The following CCDC160 variants were observed in gnomAD, a reference collection of about 807,000 sequenced individuals.
CCDC160 encodes the protein coiled-coil domain containing 160.
For missense variants in CCDC160, 227 were observed against 215.6 expected (o/e 1.05, Z -0.33); for synonymous variants, 94 against 79.4 (o/e 1.18, Z -0.98).
intron 1 of CCDC160, among the ~76,000 whole-genome samples, 196 bp downstream of exon 2, chrX:134,239,036 T>C (rs1449209464): frequency 8.9e-6 from 1 of 111,976 alleles, no homozygotes; most frequent in Non-Finnish European, 1.9e-5. Context: ...AAAATAAAAG[T>C]GCTTTCTCTA....
chrX:134,241,234 G>A (rs748765925), intron 1 of CCDC160, among the ~76,000 whole-genome samples: 1 of 111,460 alleles, frequency 9.0e-6, no homozygotes, highest in Admixed American at 9.5e-5. Flanking sequence ...GATTTTTATG[G>A]AACAGTGCAC....
chrX:134,240,033 T>G (rs371158735), intron 1 of CCDC160, among the ~76,000 whole-genome samples: 13 of 112,053 alleles, frequency 1.2e-4, no homozygotes, highest in African/African-American at 4.2e-4. Context: ...CTTCTTTTGG[T>G]ATTTAATGGT....
chrX:134,243,583 C>T (rs2077033634), intron 1 of CCDC160, among the ~76,000 whole-genome samples: 1 of 112,017 alleles, frequency 8.9e-6, no homozygotes, highest in South Asian at 3.7e-4. Flanking sequence ...GTGCTTTTCT[C>T]TGTTCTCCAA....
At chrX:134,240,664 CTTTTTTTTTTTTTTTTTTTTTTTTT>C (rs3045487) in intron 1 of CCDC160, among the ~76,000 whole-genome samples, 2 of 27,163 alleles carry the variant, frequency 7.4e-5, no homozygotes, top group Non-Finnish European at 1.3e-4. Context: ...AAACCAAATT[CTTTTTTTTTTTTTTTTTTTTTTTTT>C]TTTTTTTTTT....
At chrX:134,246,640 C>A (rs1277953501), downstream of CCDC160, among the ~76,000 whole-genome samples, 1 of 111,965 alleles carries the variant, frequency 8.9e-6, no homozygotes, top group African/African-American at 3.2e-5. Context: ...TTACAGTAAT[C>A]CAGCCCTGTA....
intron 1 of CCDC160, among the ~76,000 whole-genome samples, chrX:134,243,062 T>G (rs182124622): frequency 6.6e-4 from 74 of 111,856 alleles, no homozygotes; most frequent in African/African-American, 2.2e-3. Context: ...TATTTCCCTT[T>G]AAGAACAGAT....
intron 1 of CCDC160, among the ~76,000 whole-genome samples, chrX:134,237,663 C>G (rs1228823521): frequency 8.9e-6 from 1 of 111,739 alleles, no homozygotes; most frequent in Admixed American, 9.4e-5. Context: ...CGACCCCGAG[C>G]CACCTTCTCT....
chrX:134,242,815 G>T (rs2077031553), intron 1 of CCDC160, among the ~76,000 whole-genome samples: 1 of 110,776 alleles, frequency 9.0e-6, no homozygotes, highest in Non-Finnish European at 1.9e-5. Flanking sequence ...TCCCACCAAT[G>T]CCCTTCATCC....
At chrX:134,237,767 T>G (rs1203559802) in intron 1 of CCDC160, among the ~76,000 whole-genome samples, 7 of 112,255 alleles carry the variant, frequency 6.2e-5, no homozygotes. Flanking sequence ...GTAGCAAGAA[T>G]GTGACTCTCA....
At chrX:134,243,480 AC>A (rs1440370364) in intron 1 of CCDC160, 1 of 279,886 alleles carries the variant, frequency 3.6e-6, no homozygotes, top group Non-Finnish European at 4.8e-6. Flanking sequence ...TTAAAAATAA[AC>A]TACTGTTTGT....
intron 1 of CCDC160, among the ~76,000 whole-genome samples, chrX:134,243,990 A>G (rs907902963): frequency 4.5e-5 from 5 of 111,492 alleles, no homozygotes; most frequent in Non-Finnish European, 9.4e-5. Context: ...CAAAATAATC[A>G]TCCTCATATT....
In CCDC160 at chrX:134,239,108, T is replaced by A. The variant is rs1185486104; in HGVS notation, c.-25+1765T>A. 5.3e-5 allele frequency among the ~76,000 whole-genome samples: 6 copies of A among 112,212 alleles called. No individual in the cohort carries two copies. The East Asian group carries it at 8.3e-4, about 16-fold the overall frequency. On this transcript the variant is annotated intron_variant, in intron 1 of 1. Transcript: ENST00000370809. ...AAATTATGTCAAAAAAAATTTTTTT[T>A]AAACTAAATTAGAATCAAAGCATTG...
At chrX:134,243,832 G>A (rs1030664523) in intron 1 of CCDC160, among the ~76,000 whole-genome samples, 2 of 111,502 alleles carry the variant, frequency 1.8e-5, no homozygotes, top group African/African-American at 6.5e-5. Context: ...CCAGTTGGTG[G>A]CTTCAGGTGC....
At chrX:134,245,845 C>A, downstream of CCDC160, 1 of 769,412 alleles carries the variant, frequency 1.3e-6, no homozygotes, top group Non-Finnish European at 1.8e-6. Context: ...ATTTTCTTTG[C>A]GTATTACTTA....
At chrX:134,243,251 T>C (rs2077032831) in intron 1 of CCDC160, 3 of 446,448 alleles carry the variant, frequency 6.7e-6, no homozygotes, top group Non-Finnish European at 8.3e-6. Flanking sequence ...GGACCAATCA[T>C]TTTAGTACCT....
At chrX:134,238,325 C>T (rs978412690) in intron 1 of CCDC160, among the ~76,000 whole-genome samples, 3 of 106,921 alleles carry the variant, frequency 2.8e-5, no homozygotes, top group African/African-American at 1.0e-4. Context: ...TCTGGTATCA[C>T]ATTTCAGATA....
chrX:134,239,777 AT>A, intron 1 of CCDC160, among the ~76,000 whole-genome samples: 1 of 111,380 alleles, frequency 9.0e-6, no homozygotes, highest in East Asian at 2.8e-4. Flanking sequence ...AGTTGCTTTC[AT>A]TTCCATTTTC....
downstream of CCDC160, chrX:134,245,864 G>C (rs1048569213): frequency 1.1e-4 from 69 of 603,927 alleles, no homozygotes; most frequent in Non-Finnish European, 1.5e-4. Flanking sequence ...TAAAATATAT[G>C]TAATAGGATG....
At chrX:134,244,958 G>C (rs373791915) in exon 2 of CCDC160, 75 of 1,195,819 alleles carry the variant, frequency 6.3e-5, no homozygotes, top group Non-Finnish European at 8.5e-5. Context: ...TTGTCCAGTA[G>C]AAAGTTTCAG....
Sources: allele counts gnomAD v4.1 joint callset (sites outside exome capture counted in the v4.1 genomes callset), GRCh38; gene constraint gnomAD v4.1.1; transcripts MANE v1.5; gene names NCBI Gene and HGNC (gene_info 2026-07-23, HGNC 2026-07-21).